GCNT2: variants seen among roughly 807,000 people sequenced by gnomAD.
GCNT2 encodes glucosaminyl (N-acetyl) transferase 2 (I blood group).
GCNT2 carries 34 observed loss-of-function variants against 34.2 expected under a neutral mutation model. That is an observed-to-expected ratio of 1.00 (90% CI 0.76 to 1.32). The LOEUF (loss-of-function observed/expected upper bound fraction) is 1.32, where lower values mean the gene tolerates loss of function less well. Among genes scored for constraint, GCNT2 ranks in the 40% most tolerant of loss-of-function variants. The pLI is 0.00. For synonymous variants in GCNT2, 212 were observed against 188.0 expected (o/e 1.13, Z -1.04); for missense variants, 584 against 489.4 (o/e 1.19, Z -1.82).
intron 3 of GCNT2, among the ~76,000 whole-genome samples, chr6:10,572,290 T>G (rs145856304): frequency 6.6e-6 from 1 of 152,176 alleles, no homozygotes; most frequent in Non-Finnish European, 1.5e-5. Flanking sequence ...TTACAACATA[T>G]TGAAGGGTAA....
chr6:10,565,703 T>G (rs907618270), intron 3 of GCNT2, among the ~76,000 whole-genome samples: 16 of 152,158 alleles, frequency 1.1e-4, no homozygotes, highest in African/African-American at 3.6e-4. Context: ...CTTGGTAAAT[T>G]CTTCCTGGTA....
intron 4 of GCNT2, 174 bp downstream of exon 4, chr6:10,621,617 A>G (rs1766041062): frequency 3.1e-6 from 2 of 646,802 alleles, no homozygotes; most frequent in Admixed American, 2.2e-5. Flanking sequence ...AAGTTTAAAC[A>G]TCTCATTGAT....
At chr6:10,586,062 A>G (rs960649043) in intron 3 of GCNT2, 11 of 1,614,058 alleles carry the variant, frequency 6.8e-6, no homozygotes, top group Non-Finnish European at 9.3e-6. Context: ...ATTTTACAGT[A>G]GCCAATTGAG....
chr6:10,605,897 C>T (rs1192596485), intron 3 of GCNT2, among the ~76,000 whole-genome samples: 2 of 152,186 alleles, frequency 1.3e-5, no homozygotes, highest in Non-Finnish European at 2.9e-5. Context: ...GCTAGATGGT[C>T]TCGGATGGTA....
chr6:10,576,684 G>A (rs1422891415), intron 3 of GCNT2, among the ~76,000 whole-genome samples: 1 of 151,298 alleles, frequency 6.6e-6, no homozygotes, highest in Admixed American at 6.6e-5. Context: ...AAAGAGATTT[G>A]GGGAGAGAGA....
chr6:10,536,236 T>G (rs1761744731), intron 3 of GCNT2, among the ~76,000 whole-genome samples: 2 of 152,156 alleles, frequency 1.3e-5, no homozygotes, highest in Non-Finnish European at 2.9e-5. Flanking sequence ...ACACAGAGCT[T>G]CTGAGATGCT....
At chr6:10,589,114 G>T (rs1764506956) in intron 3 of GCNT2, among the ~76,000 whole-genome samples, 1 of 140,656 alleles carries the variant, frequency 7.1e-6, no homozygotes, top group African/African-American at 2.7e-5. Context: ...TGTGTGTGTG[G>T]TGTGTGTGTA....
intron 3 of GCNT2, among the ~76,000 whole-genome samples, chr6:10,584,429 G>A (rs1339671472): frequency 2.0e-5 from 3 of 152,148 alleles, no homozygotes; most frequent in African/African-American, 7.2e-5. Flanking sequence ...GGACGTGCGG[G>A]AGACAGACGC....
At chr6:10,585,035 G>C (rs903152417) in intron 3 of GCNT2, among the ~76,000 whole-genome samples, 2 of 17,074 alleles carry the variant, frequency 1.2e-4, no homozygotes, top group Admixed American at 1.6e-3. Context: ...CATAGTCAGT[G>C]TGTGTGTGTG....
chr6:10,626,451 C>T lies in GCNT2; in HGVS notation c.1053C>T (p.Asn351=), dbSNP rs141252458. The change falls in exon 5 of 5, where the codon AAC becomes AAT. Residue 351 remains asparagine (N), a synonymous_variant. Coordinates refer to ENST00000495262, the MANE Select transcript of GCNT2 (RefSeq NM_145649.5). ...TACATGGTATTTGTATCTATGGAAA[C>T]GGAGACTTAAAGTGGCTGGTTAATT... ...HYVHGICIYG[N]GDLKWLVNSP... The T allele has an allele frequency of 3.5e-5, 56 of 1,613,352 alleles. No homozygotes were observed. In the African/African-American group the frequency reaches 4.4e-4, roughly 13 times the overall value.
At chr6:10,535,631 A>G (rs1180926797) in intron 3 of GCNT2, among the ~76,000 whole-genome samples, 1 of 152,210 alleles carries the variant, frequency 6.6e-6, no homozygotes, top group African/African-American at 2.4e-5. Flanking sequence ...TACACATTTC[A>G]AAACTGACCA....
chr6:10,529,701 A>T lies in GCNT2; in HGVS notation c.790A>T (p.Thr264Ser). ...TCATGACATGGTGATTTACTTTGGC[A>T]CGGCCTACGTGGCTCTCACAAGGGA... is the stretch of plus-strand genomic sequence containing the variant. ...PPHDMVIYFG[T>S]AYVALTRDFA... The change falls in exon 3 of 5, where the codon ACG (threonine) becomes TCG (serine). Residue 264 changes from threonine to serine, a missense_variant. Thr to Ser is a moderately conservative substitution (Grantham distance 58, BLOSUM62 1). Coordinates refer to ENST00000495262, the MANE Select transcript of GCNT2 (RefSeq NM_145649.5). 6.2e-7 allele frequency: 1 copy of T among 1,614,128 alleles called. No individual in the cohort carries two copies. The highest frequency in any genetic ancestry group is 1.3e-5 in the African/African-American group (1 of 75,038).
At chr6:10,617,747 C>CTTTTTTTTTTTTTTTT in intron 3 of GCNT2, among the ~76,000 whole-genome samples, 1 of 114,286 alleles carries the variant, frequency 8.7e-6, no homozygotes, top group African/African-American at 4.2e-5. Context: ...GTCTGCATTT[C>CTTTTTTTTTTTTTTTT]TTCTTTTTTT....
intron 3 of GCNT2, among the ~76,000 whole-genome samples, chr6:10,582,193 A>G (rs1764108329): frequency 8.0e-6 from 1 of 125,626 alleles, no homozygotes; most frequent in Non-Finnish European, 1.6e-5. Context: ...ATATTTTTAT[A>G]TAATATATAA....
intron 3 of GCNT2, among the ~76,000 whole-genome samples, chr6:10,616,170 C>T (rs139884793): frequency 4.1e-4 from 63 of 152,274 alleles, no homozygotes; most frequent in African/African-American, 1.5e-3. Flanking sequence ...AAGCTGTAGA[C>T]CTTTGCAGTG....
chr6:10,533,276 C>A (rs936101366), intron 3 of GCNT2, among the ~76,000 whole-genome samples: 5 of 151,642 alleles, frequency 3.3e-5, no homozygotes, highest in South Asian at 4.2e-4. Flanking sequence ...ACTGCACTCG[C>A]GTCTGGGCGA....
intron 3 of GCNT2, among the ~76,000 whole-genome samples, chr6:10,568,972 T>C (rs1207108058): frequency 2.0e-5 from 3 of 152,168 alleles, no homozygotes; most frequent in Non-Finnish European, 4.4e-5. Flanking sequence ...ACCTCTGTTG[T>C]AATGCTTTTA....
At chr6:10,589,307 G>T (rs990913061) in intron 3 of GCNT2, among the ~76,000 whole-genome samples, 1 of 119,862 alleles carries the variant, frequency 8.3e-6, no homozygotes, top group South Asian at 2.4e-4. Flanking sequence ...GTAGTGTGTG[G>T]TGTGTTTGTA....
At chr6:10,566,921 C>T (rs775022729) in intron 3 of GCNT2, among the ~76,000 whole-genome samples, 6 of 152,168 alleles carry the variant, frequency 3.9e-5, no homozygotes, top group African/African-American at 1.2e-4. Context: ...GTTTGCTTCC[C>T]AAGGCTCACT....
Sources: allele counts gnomAD v4.1 joint callset (sites outside exome capture counted in the v4.1 genomes callset), GRCh38; gene constraint gnomAD v4.1.1; transcripts MANE v1.5; gene names NCBI Gene and HGNC (gene_info 2026-07-23, HGNC 2026-07-21).